ZNF100: variants seen among roughly 807,000 people sequenced by gnomAD.
ZNF100 encodes zinc finger protein 100, also known as zinc finger protein 100 (Y1).
A neutral mutation model predicts 15.8 loss-of-function variants in ZNF100; 12 were observed. That is an observed-to-expected ratio of 0.76 (90% CI 0.49 to 1.23). ZNF100 has a LOEUF of 1.23. Among genes scored for constraint, ZNF100 ranks in the 50% most tolerant of loss-of-function variants. The pLI is 0.00. For missense variants in ZNF100, 670 were observed against 635.6 expected (o/e 1.05, Z -0.58); for synonymous variants, 226 against 214.8 (o/e 1.05, Z -0.45).
chr19:21,744,364 T>C (rs2036174169), intron 3 of ZNF100, among the ~76,000 whole-genome samples: 1 of 152,184 alleles, frequency 6.6e-6, no homozygotes, highest in African/African-American at 2.4e-5. Flanking sequence ...AATATATATG[T>C]ACATATATAT....
chr19:21,749,994 A>T (rs1489420011), intron 2 of ZNF100, among the ~76,000 whole-genome samples: 2 of 151,652 alleles, frequency 1.3e-5, no homozygotes, highest in Non-Finnish European at 2.9e-5. Flanking sequence ...ATCAAAGGAG[A>T]GCTCCCCTCA....
intron 1 of ZNF100, among the ~76,000 whole-genome samples, chr19:21,766,913 G>A (rs1188916489): frequency 1.3e-5 from 2 of 152,188 alleles, no homozygotes; most frequent in Non-Finnish European, 2.9e-5. Context: ...AGAATCTCCA[G>A]AACCCGGGAG....
intron 4 of ZNF100, among the ~76,000 whole-genome samples, chr19:21,729,110 G>A (rs1488749850): frequency 6.6e-6 from 1 of 152,030 alleles, no homozygotes; most frequent in Non-Finnish European, 1.5e-5. Flanking sequence ...GGAGCTGCAA[G>A]ATAAAAGTGA....
chr19:21,744,809 C>G (rs1356699078), intron 3 of ZNF100, 132 bp downstream of exon 3: 2 of 1,396,438 alleles, frequency 1.4e-6, no homozygotes, highest in Non-Finnish European at 1.9e-6. Context: ...TTTCCACACA[C>G]AGCCTCAAGA....
At chr19:21,740,461 C>G (rs1481835021) in intron 4 of ZNF100, among the ~76,000 whole-genome samples, 1 of 151,686 alleles carries the variant, frequency 6.6e-6, no homozygotes, top group African/African-American at 2.4e-5. Flanking sequence ...TAACTACACG[C>G]TACTTCAAAA....
intron 4 of ZNF100, 100 bp from the exon 5 acceptor site, chr19:21,728,089 G>A: frequency 3.6e-6 from 4 of 1,121,620 alleles, no homozygotes; most frequent in South Asian, 6.3e-5. Context: ...GATGGCATAG[G>A]AAAATACCAA....
intron 4 of ZNF100, among the ~76,000 whole-genome samples, chr19:21,728,872 CAG>C (rs2035863237): frequency 6.6e-6 from 1 of 151,086 alleles, no homozygotes; most frequent in African/African-American, 2.4e-5. Flanking sequence ...AACAGGAAGA[CAG>C]AGAACTATAG....
rs115264492 is a variant in ZNF100, at chr19:21,766,673, C to T, written c.3+754G>A. ...ACAAACTACAAACCATAGCTGGATA[C>T]TCTATGATTCTTGAATCACTGTTTG... On this transcript the variant is annotated intron_variant, in intron 1 of 4. Transcript: ENST00000358296. Among the ~76,000 whole-genome samples the T allele has an allele frequency of 9.6e-3, 1,462 of 152,232 alleles. 27 individuals carry two copies. The highest frequency in any genetic ancestry group is 0.033 in the African/African-American group (1,358 of 41,532).
chr19:21,758,327 T>A (rs776693161), intron 2 of ZNF100, among the ~76,000 whole-genome samples: 1 of 152,158 alleles, frequency 6.6e-6, no homozygotes, highest in South Asian at 2.1e-4. Flanking sequence ...TCTTTGGTGC[T>A]ATGCTTAGTA....
chr19:21,736,017 C>T (rs1394643998), intron 4 of ZNF100, among the ~76,000 whole-genome samples: 6 of 151,972 alleles, frequency 3.9e-5, no homozygotes, highest in African/African-American at 7.3e-5. Context: ...CTCGATCTCC[C>T]GACCTCATGA....
chr19:21,730,569 T>C (rs2145688596), intron 4 of ZNF100, among the ~76,000 whole-genome samples: 1 of 141,456 alleles, frequency 7.1e-6, no homozygotes, highest in Non-Finnish European at 1.6e-5. Flanking sequence ...GACATTTCAA[T>C]AACTTACTTT....
At chr19:21,749,369 A>G (rs2036265654) in intron 2 of ZNF100, among the ~76,000 whole-genome samples, 1 of 151,878 alleles carries the variant, frequency 6.6e-6, no homozygotes, top group Non-Finnish European at 1.5e-5. Flanking sequence ...AGCCTGAAAC[A>G]ATTCTGCACT....
intron 2 of ZNF100, chr19:21,746,827 A>G (rs2036218922): frequency 8.0e-6 from 1 of 124,862 alleles, no homozygotes; most frequent in South Asian, 3.0e-4. Flanking sequence ...TAGCTGAAGA[A>G]AAAAAAACAT....
rs939404164 is a variant in ZNF100, at chr19:21,747,790, A to G, written c.97-2723T>C. ...CAACATGTACACATGTACTAATGCA[A>G]TAATTATTAAGCAGGTACTATGTGC... On this transcript the variant is annotated intron_variant, in intron 2 of 4. Coordinates refer to ENST00000358296, the MANE Select transcript of ZNF100 (RefSeq NM_173531.4). Among the ~76,000 whole-genome samples the G allele has an allele frequency of 4.6e-5, 7 of 152,080 alleles. No individual in the cohort carries two copies. In the South Asian group the frequency reaches 8.3e-4, roughly 18 times the overall value.
At chr19:21,737,477 G>A (rs2036028383) in intron 4 of ZNF100, among the ~76,000 whole-genome samples, 1 of 151,554 alleles carries the variant, frequency 6.6e-6, no homozygotes, top group Admixed American at 6.6e-5. Context: ...GGATGTTGCA[G>A]TGAACCGAGA....
In ZNF100 at chr19:21,734,622, T is replaced by C. The variant is rs551106692; in HGVS notation, c.323-6633A>G. 2.8e-4 allele frequency among the ~76,000 whole-genome samples: 42 copies of C among 152,256 alleles called. No individual in the cohort carries two copies. In the South Asian group the frequency reaches 8.7e-3, roughly 32 times the overall value. ...AGAGAGGGAAAGAATGGAACCAAGT[T>C]GGAAAACATACTTCAGGATATCATC... On this transcript the variant is annotated intron_variant, in intron 4 of 4. Coordinates refer to ENST00000358296, the MANE Select transcript of ZNF100 (RefSeq NM_173531.4).
At chr19:21,748,698 G>C (rs1599395649) in intron 2 of ZNF100, among the ~76,000 whole-genome samples, 1 of 150,246 alleles carries the variant, frequency 6.7e-6, no homozygotes, top group Admixed American at 6.6e-5. Context: ...AGTGGGCAAA[G>C]TTTTTTTGTT....
At chr19:21,766,444 C>CTT (rs1237651099) in intron 1 of ZNF100, among the ~76,000 whole-genome samples, 2 of 133,978 alleles carry the variant, frequency 1.5e-5, no homozygotes, top group Non-Finnish European at 3.3e-5. Flanking sequence ...AACTCAGGTG[C>CTT]ATTTTTTTTT....
intron 3 of ZNF100, 107 bp downstream of exon 3, chr19:21,744,834 C>T (rs1185701154): frequency 2.0e-6 from 3 of 1,515,704 alleles, no homozygotes; most frequent in South Asian, 1.2e-5. Flanking sequence ...CTTGAAAAAA[C>T]GGATCAGAAA....
Sources: allele counts gnomAD v4.1 joint callset (sites outside exome capture counted in the v4.1 genomes callset), GRCh38; gene constraint gnomAD v4.1.1; transcripts MANE v1.5; gene names NCBI Gene and HGNC (gene_info 2026-07-23, HGNC 2026-07-21).